LRFN2: variants seen among roughly 807,000 people sequenced by gnomAD.
LRFN2 encodes the protein leucine-rich repeat and fibronectin type-III domain-containing protein 2.
A neutral mutation model predicts 37.3 loss-of-function variants in LRFN2; 18 were observed. That is an observed-to-expected ratio of 0.48 (90% CI 0.33 to 0.72). The LOEUF is 0.72. Among genes scored for constraint, LRFN2 ranks in the 30% least tolerant of loss-of-function variants. LRFN2 has a pLI of 0.02. For synonymous variants in LRFN2, 556 were observed against 466.6 expected (o/e 1.19, Z -2.47); for missense variants, 1,006 against 1,060.7 (o/e 0.95, Z 0.72).
intron 1 of LRFN2, among the ~76,000 whole-genome samples, chr6:40,549,813 G>A (rs539639002): frequency 1.1e-4 from 16 of 152,128 alleles, no homozygotes; most frequent in African/African-American, 3.1e-4. Flanking sequence ...CGAGGCAGGC[G>A]GATCACCTGA....
intron 2 of LRFN2, among the ~76,000 whole-genome samples, chr6:40,430,264 C>G (rs1763449151): frequency 6.6e-6 from 1 of 152,146 alleles, no homozygotes; most frequent in Non-Finnish European, 1.5e-5. Context: ...CCACAACATA[C>G]CCACCCTCAG....
At chr6:40,509,069 T>A (rs2113883824) in intron 1 of LRFN2, among the ~76,000 whole-genome samples, 1 of 152,346 alleles carries the variant, frequency 6.6e-6, no homozygotes, top group East Asian at 1.9e-4. Context: ...GGTGGATTAT[T>A]CACTCATGCA....
rs75117881 is a variant in LRFN2, at chr6:40,438,582, C to G, written c.-18-5451G>C. On this transcript the variant is annotated intron_variant, in intron 1 of 2. Coordinates refer to ENST00000338305, the MANE Select transcript of LRFN2 (RefSeq NM_020737.3). ...AAATGGAGATCGTCTGGCTCCAGGC[C>G]ATGCTCAGAGTAAAGGAGGCCCCTC... Among the ~76,000 whole-genome samples, 1,305 of 152,314 alleles carry G rather than the reference C, an allele frequency of 8.6e-3. 19 individuals carry two copies. The highest frequency in any genetic ancestry group is 0.03 in the African/African-American group (1,245 of 41,562).
At chr6:40,487,164 C>T (rs1764980112) in intron 1 of LRFN2, among the ~76,000 whole-genome samples, 1 of 152,170 alleles carries the variant, frequency 6.6e-6, no homozygotes, top group South Asian at 2.1e-4. Flanking sequence ...ATTCTGGGTC[C>T]CCTTCCTCTC....
intron 1 of LRFN2, among the ~76,000 whole-genome samples, chr6:40,446,249 G>T (rs1217814256): frequency 6.6e-6 from 1 of 152,094 alleles, no homozygotes; most frequent in Non-Finnish European, 1.5e-5. Context: ...GGGTGTAGGA[G>T]GCCTCCTTGC....
intron 1 of LRFN2, among the ~76,000 whole-genome samples, chr6:40,512,717 T>C (rs1765748099): frequency 6.6e-6 from 1 of 152,150 alleles, no homozygotes; most frequent in Non-Finnish European, 1.5e-5. Flanking sequence ...GGATCCACTT[T>C]AGGAACCATG....
intron 1 of LRFN2, among the ~76,000 whole-genome samples, chr6:40,482,556 C>G (rs904622547): frequency 6.6e-6 from 1 of 152,238 alleles, no homozygotes; most frequent in East Asian, 1.9e-4. Flanking sequence ...GCAAATAAAA[C>G]CTCCAAACTT....
rs373024068 is a variant in LRFN2, at chr6:40,392,558, C to T, written c.1755G>A (p.Pro585=). The change falls in exon 3 of 3, where the codon CCG becomes CCA. Residue 585 remains proline (P), a synonymous_variant. Coordinates refer to ENST00000338305, the MANE Select transcript of LRFN2 (RefSeq NM_020737.3). This position sits in a 1 kb window ranked among gnomAD's most constrained non-coding sequence, Gnocchi z 4.7. ...VYSQTNGAQP[P]PPSSAPAGAP... Reference sequence around the variant, plus strand: ...CCCCGGCTGGTGCGCTGCTTGGAGGCGGTGGCTGGGCGCCGTTGGTCTGCG... The same window carrying T: ...CCCCGGCTGGTGCGCTGCTTGGAGGTGGTGGCTGGGCGCCGTTGGTCTGCG... 8.8e-6 allele frequency: 14 copies of T among 1,599,662 alleles called. No homozygotes were observed. The highest frequency in any genetic ancestry group is 3.3e-5 in the South Asian group (3 of 90,238).
rs940076029 is a variant in LRFN2, at chr6:40,562,925, G to A, written c.-19+24016C>T. Among the ~76,000 whole-genome samples the A allele has an allele frequency of 7.2e-5, 11 of 152,014 alleles. No homozygotes were observed. In the East Asian group the frequency reaches 2.1e-3, roughly 29 times the overall value. On this transcript the variant is annotated intron_variant, in intron 1 of 2. Coordinates refer to ENST00000338305, the MANE Select transcript of LRFN2 (RefSeq NM_020737.3). The stretch of plus-strand genomic sequence containing the variant: ...ACTTGCCTGTAGCTGTGGCTCTCAA[G>A]AGGCTGCAGGTGAATCTGAGGTAGG...
At chr6:40,569,993 A>T (rs371021819) in intron 1 of LRFN2, among the ~76,000 whole-genome samples, 3 of 152,076 alleles carry the variant, frequency 2.0e-5, no homozygotes, top group African/African-American at 2.4e-5. Context: ...TGGGCTGTGA[A>T]TGTCTCCCTT....
At chr6:40,569,834 A>C (rs902921264) in intron 1 of LRFN2, among the ~76,000 whole-genome samples, 1 of 151,958 alleles carries the variant, frequency 6.6e-6, no homozygotes, top group Non-Finnish European at 1.5e-5. Flanking sequence ...GCCTCTATCA[A>C]CTTCCCCACC....
intron 1 of LRFN2, among the ~76,000 whole-genome samples, chr6:40,526,975 T>A (rs1471795442): frequency 1.3e-5 from 2 of 152,094 alleles, no homozygotes; most frequent in African/African-American, 2.4e-5. Context: ...TGAGTAGGAC[T>A]AAAAGGTTGC....
intron 1 of LRFN2, among the ~76,000 whole-genome samples, chr6:40,462,823 T>C (rs1447411088): frequency 6.6e-6 from 1 of 152,162 alleles, no homozygotes; most frequent in Non-Finnish European, 1.5e-5. Context: ...CACTGTTACC[T>C]TATAAAGACC....
intron 1 of LRFN2, among the ~76,000 whole-genome samples, chr6:40,580,004 A>G (rs116759527): frequency 0.026 from 4,029 of 152,336 alleles, 89 homozygotes; most frequent in Admixed American, 0.039. Context: ...ACTTCAGAGC[A>G]AGCTAAAGGA....
chr6:40,432,112 TGAG>T lies in LRFN2; in HGVS notation c.999_1001del (p.Ser334del), dbSNP rs762193329. Reference sequence around the variant, plus strand: ...TGCCATTGTCATAGACAGCGGTCCTTGAGGAGTTCCCTACCAGGCGGTCATCGG... The same window carrying T: ...TGCCATTGTCATAGACAGCGGTCCTTGAGTTCCCTACCAGGCGGTCATCGG... On this transcript the variant is annotated inframe_deletion, in exon 2 of 3. Coordinates refer to ENST00000338305, the MANE Select transcript of LRFN2 (RefSeq NM_020737.3). The T allele has an allele frequency of 6.2e-7, 1 of 1,613,840 alleles. No homozygotes were observed. Among genetic ancestry groups the T allele is most frequent in the Admixed American group, 1.7e-5 (1 of 60,018 alleles).
intron 2 of LRFN2, among the ~76,000 whole-genome samples, chr6:40,420,464 G>T (rs918455486): frequency 1.3e-5 from 2 of 152,208 alleles, no homozygotes; most frequent in African/African-American, 4.8e-5. Context: ...AGGCAGGAAA[G>T]CAGCCCCATC....
In LRFN2 at chr6:40,488,567, C is replaced by T. The variant is rs542896110; in HGVS notation, c.-18-55436G>A. On this transcript the variant is annotated intron_variant, in intron 1 of 2. Coordinates refer to ENST00000338305, the MANE Select transcript of LRFN2 (RefSeq NM_020737.3). ...CCTGTCCCCACCACACCTTAGGCAG[C>T]TGCCTGCCATTCTGTCCCTTGACCA... 2.0e-4 allele frequency among the ~76,000 whole-genome samples: 30 copies of T among 152,324 alleles called. No individual in the cohort carries two copies. The South Asian group carries it at 6.2e-3, about 32-fold the overall frequency.
At chr6:40,405,126 C>T (rs1359508069) in intron 2 of LRFN2, among the ~76,000 whole-genome samples, 1 of 152,180 alleles carries the variant, frequency 6.6e-6, no homozygotes, top group Admixed American at 6.5e-5. Flanking sequence ...GCTTTTCTGC[C>T]TCTCATGTTC....
At chr6:40,443,810 G>A (rs982950616) in intron 1 of LRFN2, among the ~76,000 whole-genome samples, 5 of 152,160 alleles carry the variant, frequency 3.3e-5, no homozygotes, top group Non-Finnish European at 7.3e-5. Flanking sequence ...CCAGTGGGTG[G>A]CAACAGAGGG....
Sources: gnomAD v4.1 joint callset for allele counts (sites outside exome capture counted in the v4.1 genomes callset) on GRCh38, gnomAD v4.1.1 for gene constraint, Gnocchi (gnomAD v3.1) non-coding constraint, MANE v1.5 for transcripts, NCBI Gene and HGNC (gene_info 2026-07-23, HGNC 2026-07-21) for gene names.